The following AFF3 variants were observed in gnomAD, a reference collection of about 807,000 sequenced individuals.
AFF3 encodes AF4/FMR2 family member 3.
In AFF3, 32 loss-of-function variants were observed where a neutral mutation model predicts 129.7. That is an observed-to-expected ratio of 0.25 (90% CI 0.19 to 0.33). AFF3 has a LOEUF of 0.33. Among genes scored for constraint, AFF3 ranks in the 10% least tolerant of loss-of-function variants. AFF3 has a pLI of 1.00. For missense variants in AFF3, 1,373 were observed against 1,592.0 expected (o/e 0.86, Z 2.34); for synonymous variants, 644 against 635.4 (o/e 1.01, Z -0.20).
intron 13 of AFF3, among the ~76,000 whole-genome samples, chr2:99,645,426 T>C (rs1320793714): frequency 1.3e-5 from 2 of 152,202 alleles, no homozygotes; most frequent in Non-Finnish European, 2.9e-5. Context: ...GGGACATAAA[T>C]GGGCCTCTGG....
chr2:100,077,075 C>T (rs567662943), intron 4 of AFF3, among the ~76,000 whole-genome samples: 2 of 152,118 alleles, frequency 1.3e-5, no homozygotes, highest in South Asian at 4.2e-4. Context: ...ACAGTGAAAC[C>T]CTGTCTCTAC....
intron 22 of AFF3, among the ~76,000 whole-genome samples, chr2:99,557,630 T>C (rs548139070): frequency 3.3e-5 from 5 of 152,304 alleles, no homozygotes; most frequent in African/African-American, 4.8e-5. Flanking sequence ...TTGAACACTA[T>C]TGATGTTGAC....
chr2:99,672,719 A>AT (rs936549889), intron 11 of AFF3, 130 bp from the exon 12 acceptor site: 43 of 874,210 alleles, frequency 4.9e-5, no homozygotes, highest in Middle Eastern at 2.3e-4. Context: ...TTGATTTCCT[A>AT]TTTTTTTTCT....
chr2:100,016,966 G>A (rs1683176103), intron 4 of AFF3, among the ~76,000 whole-genome samples: 1 of 151,656 alleles, frequency 6.6e-6, no homozygotes, highest in Admixed American at 6.6e-5. Flanking sequence ...TGGTGATGAT[G>A]GTGGTAGTGG....
intron 7 of AFF3, among the ~76,000 whole-genome samples, chr2:99,997,477 C>CA (rs201659145): frequency 6.5e-5 from 4 of 61,290 alleles, no homozygotes; most frequent in African/African-American, 9.9e-5. Context: ...CAACTATCAC[C>CA]CCCCCCCCAG....
At chr2:100,070,962 A>G (rs1330616482) in intron 4 of AFF3, among the ~76,000 whole-genome samples, 1 of 152,176 alleles carries the variant, frequency 6.6e-6, no homozygotes, top group Admixed American at 6.5e-5. Context: ...AATAGGATAT[A>G]TTGTTTCTGG....
chr2:100,106,320 G>A lies in AFF3; in HGVS notation c.-144-737C>T, dbSNP rs552651546. On this transcript the variant is annotated intron_variant, in intron 2 of 24. Transcript: ENST00000672756. ...CCCTCAAAAACCCCTCTCATTAGCT[G>A]AAGGTAGCAAGTAGCAAGAAGATTA... The A allele has an allele frequency of 6.1e-5, 71 of 1,160,924 alleles. 2 individuals are homozygous for A. The South Asian group carries it at 1.2e-3, about 20-fold the overall frequency. 71.9% of individuals were successfully genotyped at this position (1,160,924 alleles called of 1,614,324 possible). A position where few individuals can be genotyped will look rare whatever the true frequency, so the allele number is the denominator to read the frequency against.
At chr2:99,813,427 G>A (rs1337382543) in intron 8 of AFF3, among the ~76,000 whole-genome samples, 1 of 152,182 alleles carries the variant, frequency 6.6e-6, no homozygotes, top group Non-Finnish European at 1.5e-5. Context: ...TAAATTAAAA[G>A]AGGACTAGGT....
chr2:99,581,120 C>G (rs1677497318), intron 17 of AFF3, among the ~76,000 whole-genome samples: 2 of 152,228 alleles, frequency 1.3e-5, no homozygotes, highest in East Asian at 3.8e-4. Flanking sequence ...GTTATTGCAT[C>G]TCTGGTGCTC....
intron 13 of AFF3, 98 bp downstream of exon 13, chr2:99,649,528 C>T (rs1685034485): frequency 3.7e-6 from 5 of 1,349,708 alleles, no homozygotes; most frequent in Admixed American, 3.6e-5. Context: ...TTCAGAGATA[C>T]TTTAGGGACA....
In AFF3 at chr2:99,628,995, T is replaced by G. The variant is rs533976534; in HGVS notation, c.1184+20631A>C. On this transcript the variant is annotated intron_variant, in intron 13 of 24. Transcript: ENST00000672756. The stretch of plus-strand genomic sequence containing the variant: ...CCTCAGCCTCCCAAAGTGCTGGGAC[T>G]ACAGGTGTGAGCTACCGTGCTCAGC... Among the ~76,000 whole-genome samples, 24 of 152,264 alleles carry G rather than the reference T, an allele frequency of 1.6e-4. No homozygotes were observed. In the East Asian group the frequency reaches 3.5e-3, roughly 22 times the overall value.
intron 7 of AFF3, among the ~76,000 whole-genome samples, chr2:99,968,437 C>A (rs2104400410): frequency 6.6e-6 from 1 of 152,344 alleles, no homozygotes; most frequent in South Asian, 2.1e-4. Flanking sequence ...CTGTCACAAT[C>A]ATGCAAGATG....
chr2:99,547,495 C>CTTT lies in AFF3; in HGVS notation c.*3976_*3978dup. 5.5e-6 allele frequency: 1 copy of CTTT among 183,466 alleles called. No individual in the cohort carries two copies. Among genetic ancestry groups the CTTT allele is most frequent in the Non-Finnish European group, 1.1e-5 (1 of 88,904 alleles). 11.4% of individuals were successfully genotyped at this position (183,466 alleles called of 1,614,324 possible). ...TGTCTACATTGTTAAAAAAATCTTG[C>CTTT]TTTTTTTTTTTTTTGGTGATGCAGA... On this transcript the variant is annotated 3_prime_UTR_variant, in exon 25 of 25. Transcript: ENST00000672756.
At chr2:99,736,101 T>C (rs981986713) in intron 10 of AFF3, among the ~76,000 whole-genome samples, 2 of 152,208 alleles carry the variant, frequency 1.3e-5, no homozygotes, top group African/African-American at 2.4e-5. Flanking sequence ...TTGAAAATAA[T>C]GCATATTCTG....
chr2:99,613,203 G>T (rs186489580), intron 13 of AFF3, among the ~76,000 whole-genome samples: 25 of 152,236 alleles, frequency 1.6e-4, no homozygotes, highest in African/African-American at 5.5e-4. Context: ...TTTACATTTT[G>T]GGGGAGATTT....
rs966370317 is a variant in AFF3 at position 99,587,205 on chromosome 2, G to A, written c.2540C>T (p.Thr847Ile). The stretch of plus-strand genomic sequence containing the variant: ...TGCAGACAAAGTATTACTGGTGGAG[G>A]TGGCCAGTCTTGAAGAGCTGTCTTT... ...GEKDSSSRLA[T>I]STSNTLSANH... is the part of the protein sequence containing the mutation. Residue 847 changes from threonine to isoleucine, a missense_variant, in exon 16 of 25, where the codon ACC becomes ATC. Physicochemically the swap from Thr to Ile is moderately conservative, Grantham distance 89. Coordinates refer to ENST00000672756, the MANE Select transcript of AFF3 (RefSeq NM_001386135.1). 3 of 1,614,166 alleles carry A rather than the reference G, an allele frequency of 1.9e-6. No individual in the cohort carries two copies. Among genetic ancestry groups the A allele is most frequent in the Non-Finnish European group, 1.7e-6 (2 of 1,180,026 alleles).
At chr2:99,912,482 C>A (rs564991338) in intron 7 of AFF3, among the ~76,000 whole-genome samples, 1 of 152,296 alleles carries the variant, frequency 6.6e-6, no homozygotes, top group Admixed American at 6.5e-5. Flanking sequence ...TAAATAATTT[C>A]TCTTCACCAG....
chr2:100,005,394 G>T (rs547729621), intron 7 of AFF3, among the ~76,000 whole-genome samples: 3 of 152,260 alleles, frequency 2.0e-5, no homozygotes, highest in South Asian at 2.1e-4. Flanking sequence ...AGGGGTTCCT[G>T]GTGGTTGTAA....
intron 8 of AFF3, among the ~76,000 whole-genome samples, chr2:99,836,302 T>C (rs1688869238): frequency 6.6e-6 from 1 of 151,978 alleles, no homozygotes; most frequent in South Asian, 2.1e-4. Context: ...AAGAGAAAAA[T>C]AGGAAAAGTT....
Sources: allele counts gnomAD v4.1 joint callset (sites outside exome capture counted in the v4.1 genomes callset), GRCh38; gene constraint gnomAD v4.1.1; transcripts MANE v1.5; gene names NCBI Gene and HGNC (gene_info 2026-07-23, HGNC 2026-07-21).